Variants in EBF1 observed in about 807,000 individuals in gnomAD.
EBF1 encodes the protein transcription factor COE1.
A neutral mutation model predicts 68.4 loss-of-function variants in EBF1; 10 were observed. The ratio of observed to expected loss-of-function variants is 0.15; its 90% confidence interval spans 0.09 to 0.25. The LOEUF is 0.25. Among genes scored for constraint, EBF1 ranks in the 10% least tolerant of loss-of-function variants. EBF1 has a pLI of 1.00. For synonymous variants in EBF1, 298 were observed against 299.8 expected (o/e 0.99, Z 0.06); for missense variants, 509 against 794.4 (o/e 0.64, Z 4.32).
chr5:158,773,686 C>T (rs1774374734), intron 10 of EBF1, among the ~76,000 whole-genome samples: 1 of 152,040 alleles, frequency 6.6e-6, no homozygotes, highest in Admixed American at 6.6e-5. Flanking sequence ...TTGGAATTGG[C>T]CGCTTCTTAT....
intron 6 of EBF1, among the ~76,000 whole-genome samples, chr5:158,962,282 T>C (rs1818329335): frequency 2.0e-5 from 3 of 151,918 alleles, no homozygotes; most frequent in Admixed American, 1.3e-4. Context: ...AAACAAACAA[T>C]CACATTAAAC....
At chr5:159,035,705 A>G (rs904320804) in intron 6 of EBF1, among the ~76,000 whole-genome samples, 2 of 152,210 alleles carry the variant, frequency 1.3e-5, no homozygotes, top group Admixed American at 6.5e-5. Flanking sequence ...TTTTTATCAG[A>G]TCCCAAATTA....
chr5:158,761,137 C>T (rs1357098160), intron 10 of EBF1, among the ~76,000 whole-genome samples: 1 of 152,184 alleles, frequency 6.6e-6, no homozygotes, highest in Non-Finnish European at 1.5e-5. Flanking sequence ...TCTGAAATTT[C>T]ATTCCTAATG....
intron 8 of EBF1, among the ~76,000 whole-genome samples, chr5:158,822,084 A>G (rs1173822969): frequency 6.6e-6 from 1 of 152,184 alleles, no homozygotes; most frequent in African/African-American, 2.4e-5. Flanking sequence ...GCCCATGGAA[A>G]AAAGCAGGCA....
intron 6 of EBF1, among the ~76,000 whole-genome samples, chr5:158,948,143 C>T (rs951869609): frequency 1.3e-5 from 2 of 152,050 alleles, no homozygotes; most frequent in Non-Finnish European, 2.9e-5. Flanking sequence ...GTGGAGGGTA[C>T]GGGTGGGTGT....
At chr5:158,786,711 T>A (rs1777522967) in intron 9 of EBF1, among the ~76,000 whole-genome samples, 1 of 152,184 alleles carries the variant, frequency 6.6e-6, no homozygotes, top group Non-Finnish European at 1.5e-5. Context: ...CCTTGCTTGT[T>A]TGTTTGAAAA....
intron 6 of EBF1, among the ~76,000 whole-genome samples, chr5:158,996,898 C>T (rs921575323): frequency 1.3e-5 from 2 of 152,200 alleles, no homozygotes; most frequent in African/African-American, 4.8e-5. Flanking sequence ...AAGCCAACTT[C>T]GATTGTAGAA....
intron 9 of EBF1, among the ~76,000 whole-genome samples, chr5:158,793,371 C>T (rs1171460211): frequency 7.9e-5 from 12 of 152,174 alleles, no homozygotes; most frequent in Admixed American, 6.6e-5. Context: ...TTTTCTGCTT[C>T]TACAAAAATA....
intron 6 of EBF1, among the ~76,000 whole-genome samples, chr5:158,876,019 C>T (rs1394894169): frequency 6.6e-6 from 1 of 152,180 alleles, no homozygotes; most frequent in East Asian, 1.9e-4. Context: ...AGGATCTTAG[C>T]ACAGGAAGGA....
intron 6 of EBF1, among the ~76,000 whole-genome samples, chr5:158,978,418 A>G (rs953139321): frequency 7.2e-5 from 11 of 152,116 alleles, no homozygotes; most frequent in Non-Finnish European, 4.4e-5. Context: ...TTATTTATTT[A>G]TTTTTTTGGA....
chr5:158,711,200 A>C (rs1017121676), intron 14 of EBF1, among the ~76,000 whole-genome samples: 1 of 152,092 alleles, frequency 6.6e-6, no homozygotes, highest in African/African-American at 2.4e-5. Flanking sequence ...AACAAAGGGG[A>C]AAAATCCAAG....
Position 159,099,543 on chromosome 5 carries a change from GAAAGAAAAGAAAGA to G in EBF1, c.-79_-66del, listed in dbSNP as rs1783265790. On this transcript the variant is annotated 5_prime_UTR_variant, in exon 1 of 16. Coordinates refer to ENST00000313708, the MANE Select transcript of EBF1 (RefSeq NM_024007.5). ...AAAAAAATTAAAAAAAAAAAAAAAGGAAAGAAAAGAAAGAAAAGAAAAGAAACAAAAACGCCAAC... is the reference window on the plus strand; with the variant it reads ...AAAAAAATTAAAAAAAAAAAAAAAGGAAAGAAAAGAAACAAAAACGCCAAC... 136 of 1,240,434 alleles carry G rather than the reference GAAAGAAAAGAAAGA, an allele frequency of 1.1e-4. No homozygotes were observed. The highest frequency in any genetic ancestry group is 1.3e-4 in the Non-Finnish European group (125 of 951,522). The allele number at this position is 1,240,434 out of a possible 1,614,324, so 76.8% of individuals were successfully genotyped here.
intron 10 of EBF1, among the ~76,000 whole-genome samples, chr5:158,737,268 T>TTTTTTTC (rs1765398616): frequency 6.9e-5 from 1 of 14,474 alleles, no homozygotes; most frequent in African/African-American, 3.7e-4. Context: ...ATGCCCTGAT[T>TTTTTTTC]TTTTTTTTTT....
At chr5:158,719,154 A>G (rs116610513) in intron 11 of EBF1, among the ~76,000 whole-genome samples, 1 of 152,330 alleles carries the variant, frequency 6.6e-6, no homozygotes, top group African/African-American at 2.4e-5. Context: ...AATCCAATAT[A>G]TAAATTCCCA....
intron 6 of EBF1, among the ~76,000 whole-genome samples, chr5:158,914,492 G>C (rs1457431259): frequency 1.3e-5 from 2 of 152,122 alleles, no homozygotes; most frequent in African/African-American, 4.8e-5. Flanking sequence ...CACAGGGAAG[G>C]ACTCCAGCCG....
At position 158,713,108 on chromosome 5, in the gene EBF1, G is replaced by C. The variant is rs1463414189; in HGVS notation, c.1231C>G (p.Leu411Val). 6.4e-7 allele frequency: 1 copy of C among 1,557,212 alleles called. No individual in the cohort carries two copies. The highest frequency in any genetic ancestry group is 8.7e-7 in the Non-Finnish European group (1 of 1,148,918). Reference protein sequence around the residue: ...LKRAADIAEALYSVPRNHNQL... With the variant: ...LKRAADIAEAVYSVPRNHNQL... ...TTGTGGTTGCGGGGAACACTGTACA[G>C]GGCCTCGGCAATGTCGGCCGCTCTC... The change falls in exon 13 of 16, where the codon CTG (leucine) becomes GTG (valine). Residue 411 changes from leucine (L) to valine (V), a missense_variant. This residue lies in a region of EBF1 where 205 missense variants were observed against 247.4 expected (regional missense o/e 0.83). Transcript: ENST00000313708.
At chr5:158,821,132 C>T (rs1010197803) in intron 8 of EBF1, among the ~76,000 whole-genome samples, 3 of 152,026 alleles carry the variant, frequency 2.0e-5, no homozygotes, top group Admixed American at 1.3e-4. Flanking sequence ...TACCTGCCCC[C>T]ACCCAAAGCA....
chr5:158,949,625 C>T (rs1301311230), intron 6 of EBF1, among the ~76,000 whole-genome samples: 2 of 152,146 alleles, frequency 1.3e-5, no homozygotes, highest in Non-Finnish European at 2.9e-5. Flanking sequence ...AAAAGGTGAC[C>T]CACACCCAAT....
intron 6 of EBF1, among the ~76,000 whole-genome samples, chr5:159,054,029 C>T (rs537976109): frequency 6.6e-5 from 10 of 152,312 alleles, no homozygotes; most frequent in African/African-American, 2.4e-4. Context: ...GGTCATTAAT[C>T]GTTACCGAAT....
Sources: allele counts gnomAD v4.1 joint callset (sites outside exome capture counted in the v4.1 genomes callset), GRCh38; gene constraint gnomAD v4.1.1; regional missense constraint gnomAD v4.1.1; transcripts MANE v1.5; gene names NCBI Gene and HGNC (gene_info 2026-07-23, HGNC 2026-07-21).